The following ZBTB40 variants were observed in gnomAD, a reference collection of about 807,000 sequenced individuals.
ZBTB40 encodes the protein zinc finger and BTB domain-containing protein 40.
In ZBTB40, 60 loss-of-function variants were observed where a neutral mutation model predicts 117.5. The ratio of observed to expected loss-of-function variants is 0.51; its 90% confidence interval spans 0.41 to 0.63. The LOEUF is 0.63. ZBTB40 is among the 30% of genes least tolerant of loss of function. The pLI, the probability that ZBTB40 is intolerant of heterozygous loss-of-function variation, is 0.00. For synonymous variants in ZBTB40, 525 were observed against 577.1 expected (o/e 0.91, Z 1.29); for missense variants, 1,287 against 1,498.5 (o/e 0.86, Z 2.33).
At chr1:22,458,505 T>A (rs1641056529) in intron 1 of ZBTB40, among the ~76,000 whole-genome samples, 1 of 152,200 alleles carries the variant, frequency 6.6e-6, no homozygotes, top group Admixed American at 6.5e-5. Context: ...GCTGCTGGTA[T>A]CAACCAGGCC....
intron 1 of ZBTB40, among the ~76,000 whole-genome samples, chr1:22,454,455 G>A (rs577008989): frequency 7.5e-4 from 114 of 152,280 alleles, no homozygotes; most frequent in Non-Finnish European, 1.1e-3. Flanking sequence ...ACTAACCTGG[G>A]AGACTCACTT....
chr1:22,496,707 T>C (rs1354912179), intron 3 of ZBTB40, among the ~76,000 whole-genome samples: 1 of 152,210 alleles, frequency 6.6e-6, no homozygotes, highest in Non-Finnish European at 1.5e-5. Flanking sequence ...TCTTTCTCCC[T>C]GTCTCTCAGC....
chr1:22,458,327 C>A (rs2124385145), intron 1 of ZBTB40, among the ~76,000 whole-genome samples: 1 of 152,358 alleles, frequency 6.6e-6, no homozygotes, highest in South Asian at 2.1e-4. Flanking sequence ...TACCCTCCAA[C>A]TGTGGCTGTG....
At chr1:22,509,477 A>C (rs1480162624) in intron 9 of ZBTB40, among the ~76,000 whole-genome samples, 2 of 151,926 alleles carry the variant, frequency 1.3e-5, no homozygotes, top group African/African-American at 4.8e-5. Context: ...CTCCCAAGTA[A>C]CTGGGATTAC....
Position 22,508,516 on chromosome 1 carries a change from G to A in ZBTB40, c.1498-14G>A. On this transcript the variant is annotated splice_polypyrimidine_tract_variant and intron_variant, in intron 7 of 17. Coordinates refer to ENST00000375647, the MANE Select transcript of ZBTB40 (RefSeq NM_014870.4). ...GAGAGTCTCTTACGTGAGTGTTTGT[G>A]TTACATCTTGAAGGTCATGGAGAAG... 4.3e-6 allele frequency: 7 copies of A among 1,614,186 alleles called. No individual in the cohort carries two copies. The highest frequency in any genetic ancestry group is 5.9e-6 in the Non-Finnish European group (7 of 1,180,012).
At chr1:22,439,357 T>C (rs778744577) in intron 1 of ZBTB40, among the ~76,000 whole-genome samples, 1 of 152,254 alleles carries the variant, frequency 6.6e-6, no homozygotes, top group Non-Finnish European at 1.5e-5. Context: ...GAAGTCCAAT[T>C]TGTCCATTTT....
rs926370391 is a variant in ZBTB40, at chr1:22,529,633, T to C, written c.*3237T>C. On this transcript the variant is annotated 3_prime_UTR_variant, in exon 18 of 18. Coordinates refer to ENST00000375647, the MANE Select transcript of ZBTB40 (RefSeq NM_014870.4). ...GACCAGGGGTCTTTACTCATTTATT[T>C]TATGGGTAAAGAGACATGAAGAGAC... 1.3e-5 allele frequency: 2 copies of C among 152,186 alleles called. No homozygotes were observed. Among genetic ancestry groups the C allele is most frequent in the African/African-American group, 4.8e-5 (2 of 41,402 alleles). The allele number at this position is 152,186 out of a possible 1,614,324, so 9.4% of individuals were successfully genotyped here. A position where few individuals can be genotyped will look rare whatever the true frequency, so the allele number is the denominator to read the frequency against.
In ZBTB40 at chr1:22,482,058, A is replaced by G. The variant is rs115741387; in HGVS notation, c.-69-7822A>G. Reference sequence around the variant, plus strand: ...CCAGTCGCCTACTAGAGCTACTTCTATTAGATAAAAGCCACTTACCTCCTA... The same window carrying G: ...CCAGTCGCCTACTAGAGCTACTTCTGTTAGATAAAAGCCACTTACCTCCTA... On this transcript the variant is annotated intron_variant, in intron 1 of 17. Coordinates refer to ENST00000375647, the MANE Select transcript of ZBTB40 (RefSeq NM_014870.4). Among the ~76,000 whole-genome samples, 884 of 152,196 alleles carry G rather than the reference A, an allele frequency of 5.8e-3. 6 individuals carry two copies. The highest frequency in any genetic ancestry group is 0.02 in the African/African-American group (843 of 41,542).
chr1:22,507,310 C>T (rs1639098505), intron 6 of ZBTB40, among the ~76,000 whole-genome samples: 1 of 152,156 alleles, frequency 6.6e-6, no homozygotes, highest in Admixed American at 6.5e-5. Context: ...CTGTGCCCGG[C>T]ACATGGGCAT....
At chr1:22,454,200 G>A (rs1446591445) in intron 1 of ZBTB40, among the ~76,000 whole-genome samples, 13 of 152,096 alleles carry the variant, frequency 8.5e-5, no homozygotes, top group Admixed American at 2.6e-4. Context: ...TGATCTGCCC[G>A]CCTCAGCCTC....
rs370635117 is a variant in ZBTB40 at position 22,462,914 on chromosome 1, A to C, written c.-70+10910A>C. ...TATAGAAGATACATATGTAACTTGA[A>C]AGTGATGAAGCAGAATGATAAAAAG... is the stretch of plus-strand genomic sequence containing the variant. On this transcript the variant is annotated intron_variant, in intron 1 of 17. Coordinates refer to ENST00000375647, the MANE Select transcript of ZBTB40 (RefSeq NM_014870.4). 5.3e-5 allele frequency among the ~76,000 whole-genome samples: 8 copies of C among 152,332 alleles called. No individual in the cohort carries two copies. In the South Asian group the frequency reaches 1.5e-3, roughly 28 times the overall value.
intron 5 of ZBTB40, among the ~76,000 whole-genome samples, chr1:22,505,332 CAT>C (rs1333468449): frequency 3.9e-5 from 6 of 152,192 alleles, no homozygotes; most frequent in African/African-American, 1.4e-4. Flanking sequence ...ATATCTGTCA[CAT>C]GTTTTAGTTT....
At chr1:22,453,747 A>C (rs1378884131) in intron 1 of ZBTB40, among the ~76,000 whole-genome samples, 2 of 152,172 alleles carry the variant, frequency 1.3e-5, no homozygotes, top group East Asian at 3.9e-4. Flanking sequence ...TGAGAGCTGA[A>C]GCTAATCTGA....
Position 22,524,363 on chromosome 1 carries a change from C to G in ZBTB40, c.3444C>G (p.Ala1148=). 1.2e-6 allele frequency: 2 copies of G among 1,614,194 alleles called. No individual in the cohort carries two copies. The highest frequency in any genetic ancestry group is 1.7e-6 in the Non-Finnish European group (2 of 1,180,046). Residue 1148 remains alanine, a synonymous_variant, in exon 17 of 18, where the codon GCC becomes GCG. Transcript: ENST00000375647. ...ELCGELFTSQ[A]QLDSHLESEH... is the part of the protein sequence containing the mutation. ...GTGGGGAACTCTTCACCTCCCAGGC[C>G]CAGCTTGACAGTCACCTGGAATCTG...
chr1:22,433,517 A>AGAAG (rs1553128205), intron 1 of ZBTB40, among the ~76,000 whole-genome samples: 1 of 138,826 alleles, frequency 7.2e-6, no homozygotes, highest in Admixed American at 7.4e-5. Context: ...ATTAAGTAGT[A>AGAAG]TAATCTAGAG....
chr1:22,494,736 T>G (rs909463295), intron 3 of ZBTB40, among the ~76,000 whole-genome samples: 1 of 152,246 alleles, frequency 6.6e-6, no homozygotes, highest in African/African-American at 2.4e-5. Flanking sequence ...GCAACTGATA[T>G]GTGCCAGACT....
intron 1 of ZBTB40, among the ~76,000 whole-genome samples, chr1:22,439,912 T>G (rs1307630254): frequency 6.6e-6 from 1 of 152,232 alleles, no homozygotes; most frequent in Non-Finnish European, 1.5e-5. Flanking sequence ...AGATAGCTTT[T>G]GGTAATATTA....
chr1:22,519,646 A>G (rs1639466681), intron 13 of ZBTB40: 2 of 277,628 alleles, frequency 7.2e-6, no homozygotes, highest in African/African-American at 4.4e-5. Flanking sequence ...GCTGTTGATG[A>G]CAAAGGAATT....
At chr1:22,463,968 A>G (rs1291680865) in intron 1 of ZBTB40, among the ~76,000 whole-genome samples, 1 of 152,244 alleles carries the variant, frequency 6.6e-6, no homozygotes, top group East Asian at 1.9e-4. Flanking sequence ...AAACATTTCT[A>G]GTGGTCCTTA....
Sources: gnomAD v4.1 joint callset for allele counts (sites outside exome capture counted in the v4.1 genomes callset) on GRCh38, gnomAD v4.1.1 for gene constraint, MANE v1.5 for transcripts, NCBI Gene and HGNC (gene_info 2026-07-23, HGNC 2026-07-21) for gene names.